ABCC12: variants seen among roughly 807,000 people sequenced by gnomAD.
The protein encoded by ABCC12 is ATP-binding cassette sub-family C member 12.
ABCC12 carries 142 observed loss-of-function variants against 151.1 expected under a neutral mutation model. The ratio of observed to expected loss-of-function variants is 0.94; its 90% confidence interval spans 0.82 to 1.08. The LOEUF (loss-of-function observed/expected upper bound fraction) is 1.08, where lower values mean the gene tolerates loss of function less well. ABCC12 is among the 50% of genes least tolerant of loss of function. ABCC12 has a pLI of 0.00. For synonymous variants in ABCC12, 645 were observed against 646.4 expected, an observed-to-expected ratio of 1.00 and a Z score of 0.03; for missense variants, 1,638 against 1,691.1, an observed-to-expected ratio of 0.97 and a Z score of 0.55.
chr16:48,119,224 C>T (rs1963988123), intron 13 of ABCC12, among the ~76,000 whole-genome samples: 1 of 152,226 alleles, frequency 6.6e-6, no homozygotes, highest in Admixed American at 6.5e-5. Flanking sequence ...ACCATCCTCT[C>T]GTGATCTCTG....
intron 8 of ABCC12, among the ~76,000 whole-genome samples, chr16:48,137,260 C>A (rs1365298398): frequency 6.6e-6 from 1 of 152,194 alleles, no homozygotes; most frequent in Admixed American, 6.5e-5. Flanking sequence ...GCTAAGTTAT[C>A]TTATCCTCCC....
rs1351526147 is a variant in ABCC12 at position 48,088,672 on chromosome 16, G to A, written c.3348C>T (p.Ser1116=). 1 of 1,614,190 alleles carries A rather than the reference G, an allele frequency of 6.2e-7. No individual in the cohort carries two copies. Among genetic ancestry groups the A allele is most frequent in the Non-Finnish European group, 8.5e-7 (1 of 1,180,016 alleles). The change falls in exon 26 of 31, where the codon AGC becomes AGT. Residue 1116 remains serine, a synonymous_variant. Coordinates refer to ENST00000311303, the MANE Select transcript of ABCC12 (RefSeq NM_001393797.1). ...KVGTCPKDWP[S]RGEITFRDYQ... is the part of the protein sequence containing the mutation. ...AGTCTCTGAAGGTGATCTCCCCACG[G>A]CTGGGCCAGTCCTTGGGACAGGTCC...
At chr16:48,150,125 T>C (rs1056102039) in intron 2 of ABCC12, among the ~76,000 whole-genome samples, 1 of 152,198 alleles carries the variant, frequency 6.6e-6, no homozygotes, top group Non-Finnish European at 1.5e-5. Flanking sequence ...AGCAGTCAGA[T>C]ACAGAGTGGC....
At chr16:48,134,737 T>C (rs1173994567) in intron 8 of ABCC12, among the ~76,000 whole-genome samples, 1 of 152,188 alleles carries the variant, frequency 6.6e-6, no homozygotes, top group African/African-American at 2.4e-5. Context: ...TACCCATGAT[T>C]TATAAGCTGC....
intron 1 of ABCC12, among the ~76,000 whole-genome samples, chr16:48,154,395 C>T (rs924734606): frequency 6.6e-6 from 1 of 152,110 alleles, no homozygotes; most frequent in Non-Finnish European, 1.5e-5. Context: ...AGACTGGCTT[C>T]TGGCTTTCGT....
chr16:48,148,834 G>A (rs1022321645), intron 2 of ABCC12, among the ~76,000 whole-genome samples: 9 of 151,288 alleles, frequency 5.9e-5, no homozygotes, highest in African/African-American at 2.2e-4. Flanking sequence ...AGCCTTCAAG[G>A]CTCAGTTCAA....
chr16:48,127,645 A>AG (rs1213272461), intron 11 of ABCC12, among the ~76,000 whole-genome samples: 1 of 152,212 alleles, frequency 6.6e-6, no homozygotes, highest in African/African-American at 2.4e-5. Context: ...ACCATCAAGT[A>AG]GGGGCAGTTA....
At chr16:48,108,642 C>T (rs1396589294) in intron 18 of ABCC12, 113 bp from the exon 19 acceptor site, 1 of 736,232 alleles carries the variant, frequency 1.4e-6, no homozygotes, top group Non-Finnish European at 2.3e-6. Context: ...TGTGATGCAT[C>T]CTTCCACTCG....
intron 13 of ABCC12, among the ~76,000 whole-genome samples, chr16:48,120,674 G>A (rs933960670): frequency 1.3e-5 from 2 of 151,446 alleles, no homozygotes; most frequent in African/African-American, 4.9e-5. Context: ...TCCTGCCTCA[G>A]CCTCCTGAGT....
chr16:48,124,893 C>A (rs140943840), intron 11 of ABCC12, among the ~76,000 whole-genome samples: 1 of 152,276 alleles, frequency 6.6e-6, no homozygotes, highest in East Asian at 1.9e-4. Context: ...TAGAACTTAC[C>A]TTGTAGTCAG....
At chr16:48,121,950 C>A (rs1597315948) in intron 12 of ABCC12, 110 bp from the exon 13 acceptor site, 3 of 1,497,860 alleles carry the variant, frequency 2.0e-6, no homozygotes, top group Admixed American at 4.1e-5. Flanking sequence ...GTTATGAAGG[C>A]ACAAAAGCGT....
chr16:48,099,402 A>G (rs1338934991), intron 23 of ABCC12, among the ~76,000 whole-genome samples: 1 of 152,110 alleles, frequency 6.6e-6, no homozygotes, highest in Non-Finnish European at 1.5e-5. Context: ...GTCTCAAAAA[A>G]TAAAAATAAA....
intron 23 of ABCC12, among the ~76,000 whole-genome samples, chr16:48,100,668 C>T (rs749494770): frequency 1.3e-5 from 2 of 152,214 alleles, no homozygotes; most frequent in East Asian, 3.8e-4. Context: ...ATTGAACAAG[C>T]TCCCCTCATT....
At chr16:48,147,284 C>T (rs1965035303) in intron 2 of ABCC12, among the ~76,000 whole-genome samples, 1 of 152,222 alleles carries the variant, frequency 6.6e-6, no homozygotes, top group Admixed American at 6.5e-5. Context: ...CATGCCTAGT[C>T]TTAGTCCTTT....
chr16:48,128,716 G>A lies in ABCC12; in HGVS notation c.1258C>T (p.Pro420Ser). The change falls in exon 11 of 31, where the codon CCC becomes TCC. Residue 420 changes from proline to serine, a missense_variant. Pro to Ser is a moderately conservative substitution (Grantham distance 74, BLOSUM62 -1). Coordinates refer to ENST00000311303, the MANE Select transcript of ABCC12 (RefSeq NM_001393797.1). ...TCTGGTTGGGTGATGTAAGATGGGGGGCTTTTATCTATGAGAATTTTCTAA... is the reference window on the plus strand; with the variant it reads ...TCTGGTTGGGTGATGTAAGATGGGGAGCTTTTATCTATGAGAATTTTCTAA... ...RMKKILIDKS[P>S]PSYITQPEDP... 1.9e-6 allele frequency: 3 copies of A among 1,612,882 alleles called. 1 individual carries two copies. The South Asian group carries it at 3.3e-5, about 18-fold the overall frequency.
At position 48,104,387 on chromosome 16, in the gene ABCC12, A is replaced by G. The variant is rs1324975437; in HGVS notation, c.2674-19T>C. 1 of 1,608,790 alleles carries G rather than the reference A, an allele frequency of 6.2e-7. No individual in the cohort carries two copies. Among genetic ancestry groups the G allele is most frequent in the Non-Finnish European group, 8.5e-7 (1 of 1,175,404 alleles). ...TTAAGATCTGTGGAGAATGGTAGAG[A>G]GTCAAACAGAGTCGAGATGCGTGCT... On this transcript the variant is annotated intron_variant, in intron 21 of 30. Coordinates refer to ENST00000311303, the MANE Select transcript of ABCC12 (RefSeq NM_001393797.1).
rs543825394 is a variant in ABCC12 at position 48,154,361 on chromosome 16, A to T, written c.-319-477T>A. On this transcript the variant is annotated intron_variant, in intron 1 of 30. Coordinates refer to ENST00000311303, the MANE Select transcript of ABCC12 (RefSeq NM_001393797.1). Reference sequence around the variant, plus strand: ...TTGTGGAAAACATTTAAAAATGAGGAGATACCACATTAAAAAAAAAATAAG... The same window carrying T: ...TTGTGGAAAACATTTAAAAATGAGGTGATACCACATTAAAAAAAAAATAAG... Among the ~76,000 whole-genome samples the T allele has an allele frequency of 3.3e-5, 5 of 152,234 alleles. No individual in the cohort carries two copies. The South Asian group carries it at 1.0e-3, about 32-fold the overall frequency.
chr16:48,133,545 G>T, intron 9 of ABCC12, 142 bp downstream of exon 9: 13 of 798,632 alleles, frequency 1.6e-5, no homozygotes, highest in East Asian at 3.1e-5. Context: ...AAAAAAAAAA[G>T]TTGGAGTTGA....
At chr16:48,128,356 A>G in intron 11 of ABCC12, 103 bp downstream of exon 11, 1 of 1,499,946 alleles carries the variant, frequency 6.7e-7, no homozygotes, top group Non-Finnish European at 9.0e-7. Flanking sequence ...ACATCCCATC[A>G]CCACCTTCAG....
Sources: gnomAD v4.1 joint callset for allele counts (sites outside exome capture counted in the v4.1 genomes callset) on GRCh38, gnomAD v4.1.1 for gene constraint, MANE v1.5 for transcripts, NCBI Gene and HGNC (gene_info 2026-07-23, HGNC 2026-07-21) for gene names.